Variants in CPED1 observed in about 807,000 individuals in gnomAD.
CPED1 encodes cadherin-like and PC-esterase domain-containing protein 1.
In CPED1, 114 loss-of-function variants were observed where a neutral mutation model predicts 128.2. That is an observed-to-expected ratio of 0.89 (90% confidence interval 0.76 to 1.04). The LOEUF (loss-of-function observed/expected upper bound fraction) is 1.04. Among genes scored for constraint, CPED1 ranks in the 50% least tolerant of loss-of-function variants. CPED1 has a pLI of 0.00. For missense variants in CPED1, 1,211 were observed against 1,207.1 expected (o/e 1.00, Z -0.05); for synonymous variants, 462 against 426.7 (o/e 1.08, Z -1.02).
At chr7:121,074,547 T>C in intron 5 of CPED1, among the ~76,000 whole-genome samples, 1 of 137,598 alleles carries the variant, frequency 7.3e-6, no homozygotes, top group South Asian at 2.4e-4. Flanking sequence ...TTCATCTGCA[T>C]TAAAAACCTG....
chr7:121,223,067 A>C (rs1324300449), intron 16 of CPED1, among the ~76,000 whole-genome samples: 1 of 152,158 alleles, frequency 6.6e-6, no homozygotes, highest in African/African-American at 2.4e-5. Context: ...GTTTTTGTCC[A>C]TTCAGTATGA....
At chr7:121,132,429 C>A (rs560196075) in intron 12 of CPED1, among the ~76,000 whole-genome samples, 1 of 152,030 alleles carries the variant, frequency 6.6e-6, no homozygotes, top group African/African-American at 2.4e-5. Context: ...ATGTACATTA[C>A]CTGTGTTCAA....
intron 2 of CPED1, among the ~76,000 whole-genome samples, chr7:121,010,634 C>T (rs946914553): frequency 6.6e-6 from 1 of 152,160 alleles, no homozygotes; most frequent in African/African-American, 2.4e-5. Flanking sequence ...ACTTGCCTAT[C>T]ATTAGATGTT....
intron 16 of CPED1, among the ~76,000 whole-genome samples, chr7:121,231,447 T>C (rs1033908012): frequency 2.0e-5 from 3 of 152,082 alleles, no homozygotes; most frequent in Non-Finnish European, 2.9e-5. Context: ...TTAAGGAGAA[T>C]GATGAAGGTT....
At chr7:121,135,134 A>G (rs571432677) in intron 13 of CPED1, among the ~76,000 whole-genome samples, 1 of 152,116 alleles carries the variant, frequency 6.6e-6, no homozygotes, top group African/African-American at 2.4e-5. Context: ...CTCAGGAAAA[A>G]TCAATGGTGA....
intron 16 of CPED1, among the ~76,000 whole-genome samples, chr7:121,148,038 T>A (rs1300288643): frequency 6.6e-6 from 1 of 152,136 alleles, no homozygotes; most frequent in African/African-American, 2.4e-5. Flanking sequence ...CAAATATCCA[T>A]AATGAGAATA....
rs761090141 is a variant in CPED1 at position 121,118,326 on chromosome 7, G to T, written c.919-6005G>T. On this transcript the variant is annotated intron_variant, in intron 7 of 22. Coordinates refer to ENST00000310396, the MANE Select transcript of CPED1 (RefSeq NM_024913.5). ...ACCTGTAATCCCAGCACTTTGGGAG[G>T]CTGAGGCAGGTGGATCATGAGGTCA... Among the ~76,000 whole-genome samples, 83 of 152,250 alleles carry T rather than the reference G, an allele frequency of 5.5e-4. 1 individual carries two copies. The highest frequency in any genetic ancestry group is 5.2e-3 in the Admixed American group (79 of 15,286).
intron 16 of CPED1, among the ~76,000 whole-genome samples, chr7:121,168,448 A>C (rs1040913628): frequency 3.9e-5 from 6 of 152,180 alleles, no homozygotes; most frequent in African/African-American, 1.2e-4. Flanking sequence ...TTAATTTTTA[A>C]AAATTTTTAA....
In CPED1 at chr7:121,250,389, C is replaced by A. The variant is rs1306249441; in HGVS notation, c.2310+6051C>A. On this transcript the variant is annotated intron_variant, in intron 18 of 22. Coordinates refer to ENST00000310396, the MANE Select transcript of CPED1 (RefSeq NM_024913.5). Reference sequence around the variant, plus strand: ...AAGCAGGAAAGATCTAAAATTGACACCCTAACATCACAATTAAAAGAACTA... The same window carrying A: ...AAGCAGGAAAGATCTAAAATTGACAACCTAACATCACAATTAAAAGAACTA... Among the ~76,000 whole-genome samples the A allele has an allele frequency of 2.6e-5, 4 of 151,648 alleles. No homozygotes were observed. In the South Asian group the frequency reaches 6.3e-4, roughly 24 times the overall value.
chr7:121,102,159 A>G (rs150378805), intron 7 of CPED1, among the ~76,000 whole-genome samples: 73 of 151,852 alleles, frequency 4.8e-4, no homozygotes, highest in East Asian at 1.9e-3. Context: ...TCTTTTTCAC[A>G]TTTTATTTTG....
At chr7:121,169,517 T>A (rs548141269) in intron 16 of CPED1, among the ~76,000 whole-genome samples, 11 of 152,314 alleles carry the variant, frequency 7.2e-5, no homozygotes, top group African/African-American at 2.6e-4. Context: ...AAAATATCAT[T>A]TGATCATCTG....
At chr7:121,252,957 A>G (rs1199386578) in intron 18 of CPED1, among the ~76,000 whole-genome samples, 1 of 152,126 alleles carries the variant, frequency 6.6e-6, no homozygotes, top group Non-Finnish European at 1.5e-5. Flanking sequence ...CCATCCCATT[A>G]CTGGGTATAT....
intron 16 of CPED1, among the ~76,000 whole-genome samples, chr7:121,172,677 G>GATAGATAA (rs1274264568): frequency 2.2e-3 from 332 of 151,874 alleles, no homozygotes; most frequent in African/African-American, 7.6e-3. Context: ...TAGATAGATA[G>GATAGATAA]ATAGATAGAT....
chr7:121,103,781 C>A (rs146435772), intron 7 of CPED1, among the ~76,000 whole-genome samples: 1 of 152,000 alleles, frequency 6.6e-6, no homozygotes, highest in African/African-American at 2.4e-5. Flanking sequence ...GAGGCAAGCC[C>A]ACTAAACTAG....
intron 4 of CPED1, chr7:121,051,370 CT>C (rs35482486): frequency 8.0e-3 from 3,004 of 375,560 alleles, no homozygotes; most frequent in South Asian, 0.015. Context: ...ATGTAAATGC[CT>C]TTTTTTTTTT....
intron 5 of CPED1, among the ~76,000 whole-genome samples, chr7:121,073,269 G>A (rs1292175729): frequency 6.6e-6 from 1 of 152,130 alleles, no homozygotes; most frequent in Non-Finnish European, 1.5e-5. Flanking sequence ...TTTATTAAGT[G>A]GAAGTGGATC....
Position 121,049,387 on chromosome 7 carries a change from A to G in CPED1, c.540+2394A>G, listed in dbSNP as rs115416846. Among the ~76,000 whole-genome samples, 950 of 152,324 alleles carry G rather than the reference A, an allele frequency of 6.2e-3. 12 individuals are homozygous for G. Among genetic ancestry groups the G allele is most frequent in the African/African-American group, 0.022 (912 of 41,570 alleles). ...AGGGGAGTGTAGCTTTTGCCATATC[A>G]CAGACCTGCAGAGAGGGAGCCTTGG... is the stretch of plus-strand genomic sequence containing the variant. On this transcript the variant is annotated intron_variant, in intron 4 of 22. Transcript: ENST00000310396.
intron 18 of CPED1, among the ~76,000 whole-genome samples, chr7:121,258,288 G>A (rs1287323033): frequency 1.3e-5 from 2 of 152,028 alleles, no homozygotes; most frequent in Non-Finnish European, 2.9e-5. Flanking sequence ...TGTTCCAGGA[G>A]CACATATATG....
At position 121,087,665 on chromosome 7, in the gene CPED1, C is replaced by CTTT. The variant is rs72453872; in HGVS notation, c.617-10033_617-10032insTTT. ...GGATTCTTTCTTTTTCTTTTCTTTC[C>CTTT]TGTTTTTTTTTTTTTGGCAGAGTCT... On this transcript the variant is annotated intron_variant, in intron 5 of 22. Coordinates refer to ENST00000310396, the MANE Select transcript of CPED1 (RefSeq NM_024913.5). Among the ~76,000 whole-genome samples the CTTT allele has an allele frequency of 2.6e-3, 340 of 131,552 alleles. 19 individuals are homozygous for CTTT. Among genetic ancestry groups the CTTT allele is most frequent in the African/African-American group, 9.3e-3 (295 of 31,764 alleles). 86.3% of individuals were successfully genotyped at this position (131,552 alleles called of 152,430 possible). A position where few individuals can be genotyped will look rare whatever the true frequency, so the allele number is the denominator to read the frequency against.
Sources: allele counts gnomAD v4.1 joint callset (sites outside exome capture counted in the v4.1 genomes callset), GRCh38; gene constraint gnomAD v4.1.1; transcripts MANE v1.5; gene names NCBI Gene and HGNC (gene_info 2026-07-23, HGNC 2026-07-21).